Variants in CYTH1 observed in about 807,000 individuals in gnomAD.
CYTH1 encodes cytohesin-1.
CYTH1 carries 18 observed loss-of-function variants against 61.8 expected under a neutral mutation model. That is an observed-to-expected ratio of 0.29 (90% CI 0.20 to 0.43). The LOEUF is 0.43. Ranked by LOEUF, CYTH1 falls within the 20% of genes least tolerant of loss-of-function variation. CYTH1 has a pLI of 1.00. For missense variants in CYTH1, 336 were observed against 510.5 expected (o/e 0.66, Z 3.29); for synonymous variants, 174 against 184.3 (o/e 0.94, Z 0.45).
chr17:78,676,958 C>T (rs573653773), intron 13 of CYTH1: 31 of 454,494 alleles, frequency 6.8e-5, no homozygotes, highest in East Asian at 5.6e-4. Context: ...TTCCAGAGCT[C>T]GGGCACAAGC....
intron 11 of CYTH1, among the ~76,000 whole-genome samples, chr17:78,685,305 A>C (rs1419258342): frequency 6.6e-6 from 1 of 151,986 alleles, no homozygotes; most frequent in Non-Finnish European, 1.5e-5. Flanking sequence ...AAAAGTACAA[A>C]ATCTTCTAAT....
At chr17:78,773,085 G>T (rs906801567) in intron 1 of CYTH1, among the ~76,000 whole-genome samples, 2 of 151,958 alleles carry the variant, frequency 1.3e-5, no homozygotes, top group Non-Finnish European at 2.9e-5. Context: ...TGCCCACCTC[G>T]ACCTCCCAAA....
At position 78,753,186 on chromosome 17, in the gene CYTH1, G is replaced by A. The variant is rs77475796; in HGVS notation, c.22+29016C>T. ...CTGTCAATAAATGGTCAGGCTGGGCGTGGTTGCTCATGCCTTCAATCCTAG... is the reference window on the plus strand; with the variant it reads ...CTGTCAATAAATGGTCAGGCTGGGCATGGTTGCTCATGCCTTCAATCCTAG... On this transcript the variant is annotated intron_variant, in intron 1 of 13. Transcript: ENST00000446868. 8.8e-3 allele frequency among the ~76,000 whole-genome samples: 1,334 copies of A among 152,282 alleles called. 23 individuals carry two copies. Among genetic ancestry groups the A allele is most frequent in the African/African-American group, 0.03 (1,238 of 41,548 alleles).
intron 1 of CYTH1, among the ~76,000 whole-genome samples, chr17:78,754,423 A>G (rs530482958): frequency 1.3e-5 from 2 of 151,574 alleles, no homozygotes; most frequent in African/African-American, 4.8e-5. Flanking sequence ...GGCTCACTGC[A>G]GCCTCAACCT....
In CYTH1 at chr17:78,698,154, C is replaced by T. The variant is rs796608098; in HGVS notation, c.811+115G>A. 2.1e-5 allele frequency: 18 copies of T among 862,600 alleles called. 1 individual carries two copies. In the African/African-American group the frequency reaches 2.9e-4, roughly 14 times the overall value. 53.4% of individuals were successfully genotyped at this position (862,600 alleles called of 1,614,324 possible). ...GCGTGCACACACACGCACGCGCACA[C>T]ATGCACACGCACAAACACGCACACG... On this transcript the variant is annotated intron_variant, in intron 9 of 13. Coordinates refer to ENST00000446868, the MANE Select transcript of CYTH1 (RefSeq NM_004762.6).
chr17:78,684,665 A>G (rs1298752403), intron 11 of CYTH1, among the ~76,000 whole-genome samples: 1 of 152,236 alleles, frequency 6.6e-6, no homozygotes, highest in African/African-American at 2.4e-5. Flanking sequence ...CATTGCTGAC[A>G]TTAGGTGAAG....
chr17:78,714,939 C>T (rs1234594810), intron 1 of CYTH1, among the ~76,000 whole-genome samples: 1 of 152,028 alleles, frequency 6.6e-6, no homozygotes, highest in Non-Finnish European at 1.5e-5. Context: ...AGAATACGGC[C>T]TTGCAAATTA....
rs375189412 is a variant in CYTH1 at position 78,729,490 on chromosome 17, C to T, written c.23-19758G>A. Among the ~76,000 whole-genome samples, 12 of 152,234 alleles carry T rather than the reference C, an allele frequency of 7.9e-5. 4 individuals are homozygous for T. The highest frequency in any genetic ancestry group is 6.5e-5 in the Admixed American group (1 of 15,276). On this transcript the variant is annotated intron_variant, in intron 1 of 13. Transcript: ENST00000446868. ...GCAGGAATCAGAATGCCAGATGAGACGAAATACTGTCAGGGGAGTGGGCTA... is the reference window on the plus strand; with the variant it reads ...GCAGGAATCAGAATGCCAGATGAGATGAAATACTGTCAGGGGAGTGGGCTA...
In CYTH1 at chr17:78,680,272, G is replaced by A; in HGVS notation, c.1036C>T (p.Arg346Trp). 1.2e-6 allele frequency: 2 copies of A among 1,614,100 alleles called. No individual in the cohort carries two copies. The highest frequency in any genetic ancestry group is 1.7e-6 in the Non-Finnish European group (2 of 1,180,006). Reference sequence around the variant, plus strand: ...ACAGTGTGGTTCCCCTCCACCACCCGCCCGTCAGCCTCGGTCTTGCAGGCC... The same window carrying A: ...ACAGTGTGGTTCCCCTCCACCACCCACCCGTCAGCCTCGGTCTTGCAGGCC... ...IKACKTEADG[R>W]VVEGNHTVYR... Residue 346 changes from arginine to tryptophan, a missense_variant, in exon 13 of 14, where the codon CGG becomes TGG. By Grantham distance (101) the Arg-to-Trp change is moderately radical (BLOSUM62 -3). Around this residue, in one of 4 missense-constraint regions of CYTH1, gnomAD observed 83 missense variants for 115.6 expected, o/e 0.72. Transcript: ENST00000446868.
rs2093501310 is a variant in CYTH1, at chr17:78,778,305, AAAAAAAAAAAAAAAAG to A, written c.22+3881_22+3896del. ...ACAGAACAAGACTGTCTCAAAAAAA[AAAAAAAAAAAAAAAAG>A]GGAAAAAAAATTAAGGTTTAAAAAG... On this transcript the variant is annotated intron_variant, in intron 1 of 13. Coordinates refer to ENST00000446868, the MANE Select transcript of CYTH1 (RefSeq NM_004762.6). Among the ~76,000 whole-genome samples, 3 of 143,108 alleles carry A rather than the reference AAAAAAAAAAAAAAAAG, an allele frequency of 2.1e-5. 1 individual carries two copies. The South Asian group carries it at 6.8e-4, about 32-fold the overall frequency. 93.9% of individuals were successfully genotyped at this position (143,108 alleles called of 152,430 possible). A position where few individuals can be genotyped will look rare whatever the true frequency, so the allele number is the denominator to read the frequency against.
intron 1 of CYTH1, among the ~76,000 whole-genome samples, chr17:78,716,442 G>A (rs561362049): frequency 6.6e-6 from 1 of 152,160 alleles, no homozygotes; most frequent in Non-Finnish European, 1.5e-5. Flanking sequence ...TGGCCAATTT[G>A]TAGCTAGAAT....
intron 1 of CYTH1, among the ~76,000 whole-genome samples, chr17:78,757,114 A>G (rs1251507141): frequency 6.6e-6 from 1 of 150,784 alleles, no homozygotes; most frequent in Admixed American, 6.6e-5. Context: ...TACCCAGCTA[A>G]TTTTTTCATA....
chr17:78,680,425 C>T (rs2092748102), intron 12 of CYTH1, 81 bp from the exon 13 acceptor site: 3 of 1,444,450 alleles, frequency 2.1e-6, no homozygotes, highest in Non-Finnish European at 2.8e-6. Context: ...TTCCCCAAAA[C>T]CCCTTTCTTC....
chr17:78,685,981 C>G (rs758734773), intron 11 of CYTH1, among the ~76,000 whole-genome samples: 51 of 152,174 alleles, frequency 3.4e-4, no homozygotes, highest in Admixed American at 8.5e-4. Flanking sequence ...TGGAGCGACC[C>G]TTTCTGTAAC....
chr17:78,772,214 A>AG (rs2093474134), intron 1 of CYTH1, among the ~76,000 whole-genome samples: 1 of 152,188 alleles, frequency 6.6e-6, no homozygotes, highest in African/African-American at 2.4e-5. Flanking sequence ...GTGTGGAACA[A>AG]TAACAGGAAA....
intron 5 of CYTH1, 53 bp from the exon 6 acceptor site, chr17:78,701,804 C>T: frequency 6.4e-7 from 1 of 1,570,978 alleles, no homozygotes; most frequent in Non-Finnish European, 8.8e-7. Flanking sequence ...GGCACCAACA[C>T]TGAGAATCTC....
At chr17:78,720,128 G>A (rs992239932) in intron 1 of CYTH1, among the ~76,000 whole-genome samples, 17 of 152,004 alleles carry the variant, frequency 1.1e-4, no homozygotes, top group Non-Finnish European at 2.2e-4. Flanking sequence ...GTTTAATGGC[G>A]GGTTTCAGTT....
chr17:78,679,212 C>A (rs2092732155), intron 13 of CYTH1, among the ~76,000 whole-genome samples: 1 of 152,240 alleles, frequency 6.6e-6, no homozygotes, highest in South Asian at 2.1e-4. Flanking sequence ...GGGACCTTCG[C>A]AGTCACCTGT....
In CYTH1 at chr17:78,700,713, C is replaced by T. The variant is rs189305914; in HGVS notation, c.438-270G>A. On this transcript the variant is annotated intron_variant, in intron 6 of 13. Transcript: ENST00000446868. The surrounding 1 kb of genome is among the most constrained non-coding windows in gnomAD (Gnocchi z 5.1). The stretch of plus-strand genomic sequence containing the variant: ...TAATTTTTTGTATTTTTAGTAGAGA[C>T]GGGGTTTCACCATGCTGGCCAGGCT... 1.4e-4 allele frequency among the ~76,000 whole-genome samples: 21 copies of T among 151,988 alleles called. No individual in the cohort carries two copies. Among genetic ancestry groups the T allele is most frequent in the South Asian group, 4.2e-4 (2 of 4,816 alleles).
Sources: allele counts gnomAD v4.1 joint callset (sites outside exome capture counted in the v4.1 genomes callset), GRCh38; gene constraint gnomAD v4.1.1; regional missense constraint gnomAD v4.1.1; non-coding constraint Gnocchi (gnomAD v3.1); transcripts MANE v1.5; gene names NCBI Gene and HGNC (gene_info 2026-07-23, HGNC 2026-07-21).